The following SLC25A48 variants were observed in gnomAD, a reference collection of about 807,000 sequenced individuals.
SLC25A48 encodes solute carrier family 25 member 48, also known as CTC-321K16.1.
Under a neutral mutation model 32.2 loss-of-function variants are expected in SLC25A48, and 29 were observed. The ratio of observed to expected loss-of-function variants is 0.90; its 90% CI spans 0.67 to 1.23. SLC25A48 has a LOEUF of 1.23. SLC25A48 is among the 50% of genes most tolerant of loss of function. The pLI is 0.00. For missense variants in SLC25A48, 399 were observed against 422.7 expected (o/e 0.94, Z 0.49); for synonymous variants, 164 against 172.3 (o/e 0.95, Z 0.38).
intron 3 of SLC25A48, among the ~76,000 whole-genome samples, chr5:135,694,033 G>A (rs1163723894): frequency 1.3e-5 from 2 of 152,120 alleles, no homozygotes; most frequent in Non-Finnish European, 2.9e-5. Context: ...TGTGCCTGGT[G>A]AGCTCTAGGC....
chr5:135,583,804 C>T (rs1751289939), intron 1 of SLC25A48, among the ~76,000 whole-genome samples: 1 of 152,136 alleles, frequency 6.6e-6, no homozygotes, highest in Admixed American at 6.6e-5. Flanking sequence ...CCAAGCCTGG[C>T]GGGTGCCTCT....
intron 1 of SLC25A48, among the ~76,000 whole-genome samples, chr5:135,600,642 G>A (rs1363067312): frequency 1.3e-5 from 2 of 151,962 alleles, no homozygotes; most frequent in Non-Finnish European, 2.9e-5. Flanking sequence ...ACAGTGCCTG[G>A]CACATAGGTG....
intron 3 of SLC25A48, among the ~76,000 whole-genome samples, chr5:135,692,153 T>TA (rs368812490): frequency 2.0e-4 from 30 of 152,102 alleles, no homozygotes; most frequent in African/African-American, 6.0e-4. Context: ...CCATCTCTAC[T>TA]AAAAATACAG....
At chr5:135,601,450 G>A (rs1055240215) in intron 1 of SLC25A48, among the ~76,000 whole-genome samples, 2 of 152,134 alleles carry the variant, frequency 1.3e-5, no homozygotes, top group African/African-American at 2.4e-5. Context: ...ACCTTCCAGG[G>A]AAATATTCTT....
At chr5:135,699,334 A>T (rs1248753993) in intron 3 of SLC25A48, among the ~76,000 whole-genome samples, 1 of 152,066 alleles carries the variant, frequency 6.6e-6, no homozygotes, top group Non-Finnish European at 1.5e-5. Flanking sequence ...GATATTATGC[A>T]TCAAGGAGAA....
At chr5:135,874,970 A>G (rs1241173000) in intron 6 of SLC25A48, 9 of 407,078 alleles carry the variant, frequency 2.2e-5, no homozygotes, top group Non-Finnish European at 3.9e-5. Flanking sequence ...TTCATGTCTC[A>G]GGGCCTCAGT....
chr5:135,752,332 A>T (rs1755790174), intron 3 of SLC25A48, among the ~76,000 whole-genome samples: 1 of 152,236 alleles, frequency 6.6e-6, no homozygotes, highest in African/African-American at 2.4e-5. Context: ...GCACTTTGGG[A>T]GGCCAAGGCA....
chr5:135,714,489 G>A (rs1040060600), intron 3 of SLC25A48, among the ~76,000 whole-genome samples: 3 of 152,124 alleles, frequency 2.0e-5, no homozygotes, highest in Admixed American at 6.5e-5. Flanking sequence ...CCACCATGTC[G>A]GGCTTGCAGT....
intron 4 of SLC25A48, among the ~76,000 whole-genome samples, chr5:135,861,488 A>G (rs1182024987): frequency 6.6e-6 from 1 of 152,246 alleles, no homozygotes; most frequent in Admixed American, 6.5e-5. Context: ...AAGCAGGCAT[A>G]ACTATAGTAG....
chr5:135,882,472 T>G (rs1256729426), intron 7 of SLC25A48, among the ~76,000 whole-genome samples: 1 of 151,966 alleles, frequency 6.6e-6, no homozygotes, highest in Non-Finnish European at 1.5e-5. Context: ...CCCTAAGAAG[T>G]GGCGGGATGG....
At chr5:135,677,132 G>T (rs1753791140) in intron 3 of SLC25A48, among the ~76,000 whole-genome samples, 1 of 151,938 alleles carries the variant, frequency 6.6e-6, no homozygotes, top group Admixed American at 6.6e-5. Flanking sequence ...GAATCTGAAT[G>T]CTCTAGTGTC....
intron 1 of SLC25A48, among the ~76,000 whole-genome samples, chr5:135,613,153 T>C (rs1752110835): frequency 6.6e-6 from 1 of 152,234 alleles, no homozygotes; most frequent in Non-Finnish European, 1.5e-5. Flanking sequence ...GTGGTTTGAC[T>C]TGCATTTCCC....
chr5:135,786,577 A>G (rs988739020), intron 3 of SLC25A48, among the ~76,000 whole-genome samples: 2 of 151,902 alleles, frequency 1.3e-5, no homozygotes, highest in Non-Finnish European at 2.9e-5. Flanking sequence ...CTATAGGGGG[A>G]TGTTACTTCT....
chr5:135,719,276 C>T (rs1445041975), intron 3 of SLC25A48, among the ~76,000 whole-genome samples: 3 of 152,134 alleles, frequency 2.0e-5, no homozygotes, highest in Admixed American at 2.0e-4. Flanking sequence ...TTCCTAGAAC[C>T]CACTCTCTCA....
intron 1 of SLC25A48, among the ~76,000 whole-genome samples, chr5:135,592,776 G>A (rs1426445769): frequency 6.6e-6 from 1 of 152,124 alleles, no homozygotes; most frequent in African/African-American, 2.4e-5. Flanking sequence ...GAACTTTGGG[G>A]AGAGCTGGTT....
intron 2 of SLC25A48, among the ~76,000 whole-genome samples, chr5:135,844,556 A>G (rs1759259430): frequency 1.3e-5 from 2 of 152,210 alleles, no homozygotes; most frequent in African/African-American, 4.8e-5. Context: ...TCCTGATTGC[A>G]TAGCCTTCTG....
chr5:135,650,300 T>C (rs1387863674), intron 3 of SLC25A48: 2 of 399,770 alleles, frequency 5.0e-6, no homozygotes, highest in Non-Finnish European at 9.9e-6. Flanking sequence ...TCCTTTCTCC[T>C]CCCTTTTCCT....
chr5:135,650,287 T>TTC lies in SLC25A48; in HGVS notation c.-521+15334_-521+15335dup, dbSNP rs550948438. 5.2e-4 allele frequency: 203 copies of TTC among 387,732 alleles called. 2 individuals carry two copies. The highest frequency in any genetic ancestry group is 3.7e-3 in the South Asian group (195 of 52,064). The allele number at this position is 387,732 out of a possible 1,614,324, so 24.0% of individuals were successfully genotyped here. On this transcript the variant is annotated intron_variant, in intron 3 of 10. Transcript: ENST00000646290. ...AGACAATTGCTACTCAAAGTTTGGT[T>TTC]TCTCCTTTCTCCTCCCTTTTCCTTG...
At chr5:135,769,710 C>T (rs150072335) in intron 3 of SLC25A48, among the ~76,000 whole-genome samples, 52 of 135,458 alleles carry the variant, frequency 3.8e-4, no homozygotes, top group African/African-American at 8.1e-4. Flanking sequence ...TCATATCCAG[C>T]GTGGGAGAGG....
Sources: gnomAD v4.1 joint callset for allele counts (sites outside exome capture counted in the v4.1 genomes callset) on GRCh38, gnomAD v4.1.1 for gene constraint, MANE v1.5 for transcripts, NCBI Gene and HGNC (gene_info 2026-07-23, HGNC 2026-07-21) for gene names.